The following UBL3 variants were observed in gnomAD, a reference collection of about 807,000 sequenced individuals.
UBL3 encodes the protein ubiquitin like 3.
Under a neutral mutation model 18.4 loss-of-function variants are expected in UBL3, and 6 were observed. That is an observed-to-expected ratio of 0.33 (90% CI 0.18 to 0.64). The LOEUF (loss-of-function observed/expected upper bound fraction) is 0.64. Among genes scored for constraint, UBL3 ranks in the 30% least tolerant of loss-of-function variants. The pLI, the probability that UBL3 is intolerant of heterozygous loss-of-function variation, is 0.76. For synonymous variants in UBL3, 49 were observed against 46.6 expected, an observed-to-expected ratio of 1.05 and a Z score of -0.21; for missense variants, 109 against 142.9, an observed-to-expected ratio of 0.76 and a Z score of 1.21.
chr13:29,835,161 T>A (rs61261251), intron 1 of UBL3, among the ~76,000 whole-genome samples: 8 of 54,284 alleles, frequency 1.5e-4, no homozygotes, highest in African/African-American at 4.0e-4. Flanking sequence ...TATATATATA[T>A]ATATATATAT....
chr13:29,768,289 A>C (rs1366552535), intron 3 of UBL3, among the ~76,000 whole-genome samples: 1 of 152,094 alleles, frequency 6.6e-6, no homozygotes, highest in Admixed American at 6.6e-5. Flanking sequence ...TTTCACTCAT[A>C]AATTTAATAA....
intron 1 of UBL3, among the ~76,000 whole-genome samples, chr13:29,812,187 C>A (rs1379293845): frequency 1.3e-5 from 2 of 151,992 alleles, no homozygotes; most frequent in East Asian, 3.9e-4. Context: ...ATTATTTATT[C>A]CCCATGTAAA....
intron 1 of UBL3, among the ~76,000 whole-genome samples, chr13:29,801,821 C>G (rs1393174915): frequency 6.6e-6 from 1 of 152,210 alleles, no homozygotes; most frequent in African/African-American, 2.4e-5. Context: ...GCAGCCACCC[C>G]ACCCCAGGCC....
intron 1 of UBL3, among the ~76,000 whole-genome samples, chr13:29,829,287 G>A (rs924723127): frequency 2.6e-5 from 4 of 152,206 alleles, no homozygotes; most frequent in African/African-American, 9.7e-5. Flanking sequence ...GCCCCCAGAG[G>A]TAGAGTCTAC....
chr13:29,807,359 C>A (rs35177317), intron 1 of UBL3, among the ~76,000 whole-genome samples: 6,907 of 152,230 alleles, frequency 0.045, 224 homozygotes, highest in Middle Eastern at 0.092. Context: ...AATTCCCTAG[C>A]CCACAAACTG....
intron 1 of UBL3, among the ~76,000 whole-genome samples, chr13:29,807,309 C>T (rs2139337847): frequency 6.6e-6 from 1 of 152,286 alleles, no homozygotes; most frequent in Non-Finnish European, 1.5e-5. Context: ...AACTAGCTGA[C>T]TATATAATCT....
intron 1 of UBL3, among the ~76,000 whole-genome samples, chr13:29,817,537 G>A (rs1408175): frequency 1 from 152,173 of 152,292 alleles, 76,028 homozygotes; most frequent in Non-Finnish European, 1. Flanking sequence ...AGAGACCAGA[G>A]GCAAAATAGC....
At chr13:29,800,359 TG>T (rs1555233213) in intron 1 of UBL3, among the ~76,000 whole-genome samples, 14 of 152,164 alleles carry the variant, frequency 9.2e-5, no homozygotes, top group Non-Finnish European at 2.1e-4. Context: ...TGATGGCCAA[TG>T]AGTAGGCAGA....
intron 1 of UBL3, among the ~76,000 whole-genome samples, chr13:29,845,601 G>A (rs910727340): frequency 3.3e-5 from 5 of 151,992 alleles, no homozygotes; most frequent in African/African-American, 1.2e-4. Context: ...GAAAGGAAAT[G>A]TATTTTAGTA....
chr13:29,802,341 C>T lies in UBL3; in HGVS notation c.28-25078G>A, dbSNP rs565842556. 2.8e-4 allele frequency among the ~76,000 whole-genome samples: 43 copies of T among 152,338 alleles called. No individual in the cohort carries two copies. The South Asian group carries it at 5.8e-3, about 21-fold the overall frequency. On this transcript the variant is annotated intron_variant, in intron 1 of 4. Transcript: ENST00000380680. ...AACTGACTGTACTCGAGTTACACCA[C>T]AGTTAAAGAACATCAGCCCACACAG...
chr13:29,824,565 C>T (rs930988285), intron 1 of UBL3, among the ~76,000 whole-genome samples: 2 of 151,784 alleles, frequency 1.3e-5, no homozygotes, highest in Non-Finnish European at 2.9e-5. Flanking sequence ...TGTTTTTTTT[C>T]TTGTAAATTT....
At chr13:29,815,789 G>A (rs1878260907) in intron 1 of UBL3, among the ~76,000 whole-genome samples, 1 of 152,136 alleles carries the variant, frequency 6.6e-6, no homozygotes, top group South Asian at 2.1e-4. Context: ...AATGAAAGAT[G>A]TCTGGATAAC....
Position 29,822,838 on chromosome 13 carries a change from C to T in UBL3, c.27+26674G>A, listed in dbSNP as rs369754581. The stretch of plus-strand genomic sequence containing the variant: ...TAAATTGCCTACACAAAAGGGCACA[C>T]AAAAGGGCACATAATTAAATTTGAT... On this transcript the variant is annotated intron_variant, in intron 1 of 4. Transcript: ENST00000380680. 1.4e-4 allele frequency among the ~76,000 whole-genome samples: 22 copies of T among 152,238 alleles called. No homozygotes were observed. In the East Asian group the frequency reaches 4.2e-3, roughly 29 times the overall value.
rs1876655283 is a variant in UBL3, at chr13:29,765,588, G to A, written c.*1667C>T. On this transcript the variant is annotated 3_prime_UTR_variant, in exon 5 of 5. Coordinates refer to ENST00000380680, the MANE Select transcript of UBL3 (RefSeq NM_007106.4). The stretch of plus-strand genomic sequence containing the variant: ...CTTAAACAATTATTGACCTAATCAA[G>A]ACCTTTAAAATTACCACCAAAATGC... 6.6e-6 allele frequency: 1 copy of A among 152,390 alleles called. No individual in the cohort carries two copies. The highest frequency in any genetic ancestry group is 1.5e-5 in the Non-Finnish European group (1 of 67,946). 9.4% of individuals were successfully genotyped at this position (152,390 alleles called of 1,614,324 possible).
intron 1 of UBL3, among the ~76,000 whole-genome samples, chr13:29,820,514 T>C (rs1878405837): frequency 6.6e-6 from 1 of 152,180 alleles, no homozygotes; most frequent in African/African-American, 2.4e-5. Flanking sequence ...CAGAATGAAC[T>C]CTGAGTTTAG....
intron 1 of UBL3, among the ~76,000 whole-genome samples, chr13:29,829,554 T>C (rs370091670): frequency 3.9e-5 from 6 of 152,282 alleles, no homozygotes; most frequent in African/African-American, 1.4e-4. Flanking sequence ...AGTATTAGGG[T>C]GGGAGTGACC....
intron 1 of UBL3, among the ~76,000 whole-genome samples, chr13:29,804,793 T>C (rs904722495): frequency 6.6e-6 from 1 of 152,196 alleles, no homozygotes; most frequent in African/African-American, 2.4e-5. Flanking sequence ...GGTGATAGCA[T>C]AATGAGTTAT....
At chr13:29,842,891 C>T (rs917333892) in intron 1 of UBL3, among the ~76,000 whole-genome samples, 2 of 152,218 alleles carry the variant, frequency 1.3e-5, no homozygotes, top group Non-Finnish European at 2.9e-5. Flanking sequence ...AAGATACTCA[C>T]TTTACTGTGA....
chr13:29,767,278 T>C lies in UBL3; in HGVS notation c.331A>G (p.Ser111Gly). 6.2e-7 allele frequency: 1 copy of C among 1,613,106 alleles called. No individual in the cohort carries two copies. Among genetic ancestry groups the C allele is most frequent in the Non-Finnish European group, 8.5e-7 (1 of 1,179,320 alleles). The stretch of plus-strand genomic sequence containing the variant: ...GTTTACAGGATTACACAACAATTAC[T>C]CTCTCCAGTCTTCTCACGATTCCTC... Reference protein sequence around the residue: ...GQRNREKTGESNCCVIL With the variant: ...GQRNREKTGEGNCCVIL Residue 111 changes from serine to glycine, a missense_variant, in exon 5 of 5, where the codon AGT (serine) becomes GGT (glycine). By Grantham distance (56) the Ser-to-Gly change is moderately conservative (BLOSUM62 0). Transcript: ENST00000380680.
Sources: allele counts gnomAD v4.1 joint callset (sites outside exome capture counted in the v4.1 genomes callset), GRCh38; gene constraint gnomAD v4.1.1; transcripts MANE v1.5; gene names NCBI Gene and HGNC (gene_info 2026-07-23, HGNC 2026-07-21).